The following GALNT13 variants were observed in gnomAD, a reference collection of about 807,000 sequenced individuals.
GALNT13 encodes the protein UDP-GalNAc:polypeptide N-acetylgalactosaminyltransferase 13.
Under a neutral mutation model 64.2 loss-of-function variants are expected in GALNT13, and 28 were observed. That is an observed-to-expected ratio of 0.44 (90% confidence interval 0.32 to 0.60). The LOEUF is 0.60. Ranked by LOEUF, GALNT13 falls within the 20% of genes least tolerant of loss-of-function variation. The probability of loss-of-function intolerance (pLI) is 0.05; values close to 1 mark genes in which losing one functional copy is unlikely to be tolerated. For synonymous variants in GALNT13, 214 were observed against 224.6 expected (o/e 0.95, Z 0.42); for missense variants, 577 against 669.8 (o/e 0.86, Z 1.53).
At chr2:154,103,372 C>T (rs1702448423) in intron 3 of GALNT13, among the ~76,000 whole-genome samples, 1 of 152,052 alleles carries the variant, frequency 6.6e-6, no homozygotes, top group African/African-American at 2.4e-5. Flanking sequence ...TCTGTCTCAT[C>T]CTTTATATTA....
At chr2:153,210,727 G>T in the GALNT13 span, among the ~76,000 whole-genome samples, 1 of 152,168 alleles carries the variant, frequency 6.6e-6, no homozygotes, top group Admixed American at 6.5e-5. Context: ...GCTAAATAAA[G>T]TAGAGTTCTG....
the GALNT13 span, among the ~76,000 whole-genome samples, chr2:153,384,978 G>A: frequency 2.6e-4 from 39 of 151,858 alleles, no homozygotes; most frequent in Non-Finnish European, 5.4e-4. Context: ...TGTTCATATT[G>A]CCCATTTCAC....
chr2:153,452,367 G>C, the GALNT13 span, among the ~76,000 whole-genome samples: 1 of 152,014 alleles, frequency 6.6e-6, no homozygotes, highest in African/African-American at 2.4e-5. Flanking sequence ...TGTAGTCCCA[G>C]CTACTTGGGA....
chr2:153,697,939 T>G, the GALNT13 span, among the ~76,000 whole-genome samples: 3 of 152,194 alleles, frequency 2.0e-5, no homozygotes, highest in Non-Finnish European at 4.4e-5. Context: ...GAGGCCAATA[T>G]TCAACATCCT....
intron 3 of GALNT13, among the ~76,000 whole-genome samples, chr2:154,096,425 A>G (rs1702075373): frequency 1.3e-5 from 2 of 152,044 alleles, no homozygotes; most frequent in Non-Finnish European, 2.9e-5. Context: ...GCTTACAGTA[A>G]TCTCATGCTC....
intron 9 of GALNT13, among the ~76,000 whole-genome samples, chr2:154,394,641 T>C (rs928126900): frequency 1.3e-5 from 2 of 152,246 alleles, no homozygotes; most frequent in Admixed American, 6.5e-5. Flanking sequence ...GAGAAATTCT[T>C]CTAGTGATTT....
At chr2:153,401,457 C>T in the GALNT13 span, among the ~76,000 whole-genome samples, 9 of 149,572 alleles carry the variant, frequency 6.0e-5, no homozygotes, top group African/African-American at 2.2e-4. Flanking sequence ...TGGTGCAGAG[C>T]TGAGTTCAAT....
intron 4 of GALNT13, among the ~76,000 whole-genome samples, chr2:154,212,881 T>C (rs1387450820): frequency 6.6e-6 from 1 of 152,042 alleles, no homozygotes; most frequent in Non-Finnish European, 1.5e-5. Flanking sequence ...GATACACACA[T>C]TTTATTAATC....
the GALNT13 span, among the ~76,000 whole-genome samples, chr2:153,719,057 A>T: frequency 6.6e-6 from 1 of 151,842 alleles, no homozygotes; most frequent in Non-Finnish European, 1.5e-5. Context: ...TTCTTATTCC[A>T]CTGAATCTCT....
the GALNT13 span, among the ~76,000 whole-genome samples, chr2:153,158,451 T>C: frequency 6.6e-6 from 1 of 152,276 alleles, no homozygotes; most frequent in Middle Eastern, 3.4e-3. Context: ...TAAATCAATT[T>C]AAAAATGATC....
chr2:154,423,167 G>T (rs949759968), intron 11 of GALNT13, among the ~76,000 whole-genome samples: 7 of 150,410 alleles, frequency 4.7e-5, no homozygotes, highest in African/African-American at 1.7e-4. Context: ...GCGGTGTTTG[G>T]TTTTCTGTCT....
intron 1 of GALNT13, among the ~76,000 whole-genome samples, chr2:153,897,722 T>G (rs1382496620): frequency 1.3e-5 from 2 of 152,076 alleles, no homozygotes; most frequent in East Asian, 3.9e-4. Flanking sequence ...CATCTATACT[T>G]TTTAGTTGAC....
At chr2:153,408,928 A>G in the GALNT13 span, among the ~76,000 whole-genome samples, 1 of 152,272 alleles carries the variant, frequency 6.6e-6, no homozygotes, top group East Asian at 1.9e-4. Flanking sequence ...CTTGGCTGCC[A>G]GTGCAGCTAG....
the GALNT13 span, among the ~76,000 whole-genome samples, chr2:153,335,927 G>C: frequency 6.6e-6 from 1 of 152,204 alleles, no homozygotes; most frequent in Non-Finnish European, 1.5e-5. Flanking sequence ...TTGGTACCCT[G>C]TGTCCCAGCT....
the GALNT13 span, among the ~76,000 whole-genome samples, chr2:153,503,479 T>G: frequency 1.6e-4 from 24 of 152,280 alleles, no homozygotes; most frequent in African/African-American, 5.5e-4. Context: ...CTTGCTCCGT[T>G]GCCAAGGTTG....
chr2:153,887,475 G>A (rs916845273), intron 1 of GALNT13, among the ~76,000 whole-genome samples: 1 of 151,614 alleles, frequency 6.6e-6, no homozygotes, highest in African/African-American at 2.4e-5. Context: ...CTGAAGCCAA[G>A]TGAAGTAGAA....
intron 2 of GALNT13, among the ~76,000 whole-genome samples, chr2:153,924,441 T>G (rs867483906): frequency 6.6e-6 from 1 of 152,214 alleles, no homozygotes; most frequent in African/African-American, 2.4e-5. Flanking sequence ...ATACCACATT[T>G]TCTTTATCCA....
intron 4 of GALNT13, among the ~76,000 whole-genome samples, chr2:154,159,399 T>A (rs1684606405): frequency 6.6e-6 from 1 of 152,088 alleles, no homozygotes; most frequent in Non-Finnish European, 1.5e-5. Flanking sequence ...CCTCCTAAAG[T>A]GCTGGGATTA....
At position 154,301,447 on chromosome 2, in the gene GALNT13, C is replaced by T. The variant is rs1007111459; in HGVS notation, c.1014C>T (p.Cys338=). Residue 338 remains cysteine, a synonymous_variant, in exon 9 of 13, where the codon TGC becomes TGT. Coordinates refer to ENST00000392825, the MANE Select transcript of GALNT13 (RefSeq NM_052917.4). ...GAGGCTCCTTGGAGATTGTTACTTG[C>T]TCCCATGTTGGTCATGTTTTTCGGA... The part of the protein sequence containing the change: ...QCGGSLEIVT[C]SHVGHVFRKA... 1 of 1,613,520 alleles carries T rather than the reference C, an allele frequency of 6.2e-7. No homozygotes were observed. Among genetic ancestry groups the T allele is most frequent in the African/African-American group, 1.3e-5 (1 of 75,044 alleles).
Sources: allele counts gnomAD v4.1 joint callset (sites outside exome capture counted in the v4.1 genomes callset), GRCh38; gene constraint gnomAD v4.1.1; transcripts MANE v1.5; gene names NCBI Gene and HGNC (gene_info 2026-07-23, HGNC 2026-07-21).